Variants in FDFT1 observed in about 807,000 individuals in gnomAD.
FDFT1 encodes the protein farnesyl-diphosphate farnesyltransferase 1.
FDFT1 carries 68 observed loss-of-function variants against 46.8 expected under a neutral mutation model. That is an observed-to-expected ratio of 1.45 (90% CI 1.19 to 1.78). The LOEUF is 1.78. Ranked by LOEUF, FDFT1 falls within the 40% of genes most tolerant of loss-of-function variation. The pLI is 0.00. For synonymous variants in FDFT1, 351 were observed against 185.1 expected (o/e 1.90, Z -7.28); for missense variants, 928 against 524.4 (o/e 1.77, Z -7.52).
intron 1 of FDFT1, among the ~76,000 whole-genome samples, chr8:11,806,476 G>A (rs1205901391): frequency 2.0e-5 from 3 of 152,190 alleles, no homozygotes; most frequent in Admixed American, 6.5e-5. Context: ...GCAGGGGTAC[G>A]AGCTGGAGGA....
At chr8:11,828,080 T>C (rs2130856248) in intron 5 of FDFT1, among the ~76,000 whole-genome samples, 1 of 151,808 alleles carries the variant, frequency 6.6e-6, no homozygotes, top group Middle Eastern at 3.4e-3. Flanking sequence ...CATACGCTGG[T>C]AGGGCCAGCT....
chr8:11,836,490 G>C (rs879592807), intron 7 of FDFT1, among the ~76,000 whole-genome samples: 5 of 152,294 alleles, frequency 3.3e-5, no homozygotes, highest in Middle Eastern at 6.8e-3. Context: ...TGCTCCTCAG[G>C]GCCACCTTTC....
At chr8:11,835,633 C>G (rs1257884944) in intron 7 of FDFT1, among the ~76,000 whole-genome samples, 2 of 151,812 alleles carry the variant, frequency 1.3e-5, no homozygotes, top group Non-Finnish European at 2.9e-5. Flanking sequence ...TCTTTTTTCC[C>G]AAAAGGATGT....
At chr8:11,807,480 C>G (rs902409808) in intron 1 of FDFT1, among the ~76,000 whole-genome samples, 2 of 152,136 alleles carry the variant, frequency 1.3e-5, no homozygotes, top group East Asian at 1.9e-4. Context: ...ATAAATGATT[C>G]CAGTCTCTCC....
chr8:11,836,213 G>C (rs1355598968), intron 7 of FDFT1, among the ~76,000 whole-genome samples: 1 of 152,028 alleles, frequency 6.6e-6, no homozygotes, highest in Non-Finnish European at 1.5e-5. Flanking sequence ...ACTATTCTCA[G>C]GGTCATTGTA....
chr8:11,814,492 C>T (rs1419281459), intron 3 of FDFT1, among the ~76,000 whole-genome samples: 1 of 152,134 alleles, frequency 6.6e-6, no homozygotes, highest in Non-Finnish European at 1.5e-5. Flanking sequence ...ATATTGCATA[C>T]TTTCAATGTT....
In FDFT1 at chr8:11,809,843, T is replaced by A; in HGVS notation, c.374T>A (p.Phe125Tyr). The A allele has an allele frequency of 6.2e-7, 1 of 1,612,544 alleles. No homozygotes were observed. The highest frequency in any genetic ancestry group is 8.5e-7 in the Non-Finnish European group (1 of 1,179,012). The change falls in exon 3 of 8, where the codon TTC becomes TAC. Residue 125 changes from phenylalanine (F) to tyrosine (Y), a missense_variant. Transcript: ENST00000220584. ...AAGGATCGCCAGGTGCTGGAGGACT[T>A]CCCAACGGTGAGTGGGGTTACGCAT... ...KEKDRQVLED[F>Y]PTISLEFRNL...
chr8:11,829,832 G>T (rs1290813819), intron 5 of FDFT1, among the ~76,000 whole-genome samples: 2 of 143,470 alleles, frequency 1.4e-5, no homozygotes, highest in African/African-American at 2.8e-5. Context: ...GTATATCATA[G>T]TGTTTTTTTT....
At chr8:11,822,511 A>G (rs1353306525) in intron 4 of FDFT1, among the ~76,000 whole-genome samples, 1 of 152,176 alleles carries the variant, frequency 6.6e-6, no homozygotes, top group African/African-American at 2.4e-5. Flanking sequence ...CTAGAAATCA[A>G]TTTCTGCATT....
intron 1 of FDFT1, chr8:11,803,197 G>A (rs754639569): frequency 1.4e-6 from 2 of 1,406,198 alleles, no homozygotes; most frequent in Admixed American, 2.5e-5. Flanking sequence ...TCCCCGTTTC[G>A]TCCCCTCCGT....
chr8:11,830,460 G>A (rs778203058), intron 6 of FDFT1, 40 bp downstream of exon 6: 2 of 1,455,644 alleles, frequency 1.4e-6, no homozygotes, highest in South Asian at 1.1e-5. Context: ...CGGGGCTAAA[G>A]GGAGTGGGGT....
intron 1 of FDFT1, among the ~76,000 whole-genome samples, chr8:11,804,188 C>A (rs908717313): frequency 2.0e-5 from 3 of 152,194 alleles, no homozygotes; most frequent in African/African-American, 4.8e-5. Flanking sequence ...CAGTTTTTCA[C>A]GTGGAGAAAA....
rs57987013 is a variant in FDFT1, at chr8:11,821,449, G to A, written c.382-301G>A. Among the ~76,000 whole-genome samples, 216 of 152,294 alleles carry A rather than the reference G, an allele frequency of 1.4e-3. 1 individual carries two copies. Among genetic ancestry groups the A allele is most frequent in the African/African-American group, 5.0e-3 (208 of 41,574 alleles). The stretch of plus-strand genomic sequence containing the variant: ...CTACTAAAAATATAAAAATTAGCTG[G>A]GCGTGGTGGTGCATGCCTGTAATGC... On this transcript the variant is annotated intron_variant, in intron 3 of 7. Transcript: ENST00000220584.
intron 7 of FDFT1, among the ~76,000 whole-genome samples, chr8:11,836,152 TAAA>T (rs34824501): frequency 2.8e-5 from 4 of 143,596 alleles, no homozygotes; most frequent in Non-Finnish European, 6.1e-5. Context: ...GACACCATCT[TAAA>T]AAAAAAAAAA....
intron 3 of FDFT1, among the ~76,000 whole-genome samples, chr8:11,813,997 G>T (rs968430376): frequency 2.6e-5 from 4 of 152,116 alleles, no homozygotes; most frequent in African/African-American, 9.7e-5. Flanking sequence ...GTACAATTAC[G>T]TAATAAATAA....
intron 5 of FDFT1, among the ~76,000 whole-genome samples, chr8:11,828,832 C>T (rs960361493): frequency 6.6e-6 from 1 of 152,248 alleles, no homozygotes; most frequent in Non-Finnish European, 1.5e-5. Context: ...TGGGGCATTG[C>T]ATCACTGCTT....
chr8:11,824,592 T>G (rs1809705509), intron 4 of FDFT1, among the ~76,000 whole-genome samples: 2 of 115,366 alleles, frequency 1.7e-5, no homozygotes, highest in Admixed American at 9.2e-5. Flanking sequence ...TGTGCCTGGC[T>G]AATTTTTTTT....
intron 3 of FDFT1, among the ~76,000 whole-genome samples, chr8:11,813,448 G>A (rs1001786642): frequency 3.3e-5 from 5 of 152,246 alleles, no homozygotes. Flanking sequence ...AAATTACCTA[G>A]TACATAATGT....
chr8:11,837,269 C>T (rs1563348922), intron 7 of FDFT1, among the ~76,000 whole-genome samples: 1 of 152,208 alleles, frequency 6.6e-6, no homozygotes, highest in Non-Finnish European at 1.5e-5. Context: ...CTTGTTCTGT[C>T]ATCCAGGCTG....
Sources: gnomAD v4.1 joint callset for allele counts (sites outside exome capture counted in the v4.1 genomes callset) on GRCh38, gnomAD v4.1.1 for gene constraint, MANE v1.5 for transcripts, NCBI Gene and HGNC (gene_info 2026-07-23, HGNC 2026-07-21) for gene names.